Variants in SLC16A12 observed in about 807,000 individuals in gnomAD.
SLC16A12 encodes the protein monocarboxylate transporter 12.
A neutral mutation model predicts 42.4 loss-of-function variants in SLC16A12; 17 were observed. The ratio of observed to expected loss-of-function variants is 0.40; its 90% confidence interval spans 0.27 to 0.60. The LOEUF is 0.60. SLC16A12 is among the 20% of genes least tolerant of loss of function. The pLI is 0.42. For missense variants in SLC16A12, 544 were observed against 623.0 expected, an observed-to-expected ratio of 0.87 and a Z score of 1.35; for synonymous variants, 224 against 229.4, an observed-to-expected ratio of 0.98 and a Z score of 0.21.
chr10:89,505,928 G>A (rs1182958798), intron 2 of SLC16A12, among the ~76,000 whole-genome samples: 1 of 152,214 alleles, frequency 6.6e-6, no homozygotes, highest in African/African-American at 2.4e-5. Flanking sequence ...TGAGGCTTCA[G>A]TAGGCGGTAT....
intron 2 of SLC16A12, among the ~76,000 whole-genome samples, chr10:89,518,730 C>A (rs1326703950): frequency 2.0e-5 from 3 of 152,172 alleles, no homozygotes; most frequent in Non-Finnish European, 2.9e-5. Context: ...CTTCTACCTA[C>A]TCATAGGGTT....
At chr10:89,490,668 T>G (rs1842832702) in intron 2 of SLC16A12, among the ~76,000 whole-genome samples, 1 of 152,212 alleles carries the variant, frequency 6.6e-6, no homozygotes, top group Non-Finnish European at 1.5e-5. Context: ...CAACTCCATG[T>G]GTTCACCAAC....
chr10:89,444,446 G>A (rs1841965510), intron 3 of SLC16A12, among the ~76,000 whole-genome samples: 1 of 152,046 alleles, frequency 6.6e-6, no homozygotes, highest in South Asian at 2.1e-4. Context: ...ATCAATAAAG[G>A]AGTGGCTAAA....
chr10:89,517,711 C>A (rs1449948061), intron 2 of SLC16A12, among the ~76,000 whole-genome samples: 1 of 152,136 alleles, frequency 6.6e-6, no homozygotes, highest in Non-Finnish European at 1.5e-5. Flanking sequence ...TGGGCAGTAA[C>A]AACACAGCTG....
At chr10:89,470,850 T>C (rs1310171387) in intron 2 of SLC16A12, among the ~76,000 whole-genome samples, 1 of 152,168 alleles carries the variant, frequency 6.6e-6, no homozygotes, top group Non-Finnish European at 1.5e-5. Flanking sequence ...AACCTCTGCA[T>C]GGACCAATGA....
At chr10:89,493,120 G>A (rs1278974803) in intron 2 of SLC16A12, among the ~76,000 whole-genome samples, 5 of 152,174 alleles carry the variant, frequency 3.3e-5, no homozygotes, top group South Asian at 2.1e-4. Flanking sequence ...CAAGAAATAC[G>A]TGTTGCTGAA....
chr10:89,439,569 A>T (rs528199734), intron 5 of SLC16A12, among the ~76,000 whole-genome samples: 9 of 152,232 alleles, frequency 5.9e-5, no homozygotes, highest in Admixed American at 3.3e-4. Flanking sequence ...TTCACTGCCT[A>T]TGAAGACACA....
At chr10:89,494,944 G>C (rs1017133160) in intron 2 of SLC16A12, among the ~76,000 whole-genome samples, 8 of 152,210 alleles carry the variant, frequency 5.3e-5, no homozygotes, top group African/African-American at 1.7e-4. Context: ...AGATACAGCG[G>C]AAGTAGCAAG....
intron 2 of SLC16A12, among the ~76,000 whole-genome samples, chr10:89,478,454 TA>T (rs1201220413): frequency 6.6e-6 from 1 of 152,226 alleles, no homozygotes; most frequent in Non-Finnish European, 1.5e-5. Flanking sequence ...GTGTGATCCG[TA>T]AGCTTGCCTT....
upstream of SLC16A12, among the ~76,000 whole-genome samples, chr10:89,536,421 C>T (rs1843663005): frequency 6.6e-6 from 1 of 152,020 alleles, no homozygotes; most frequent in Non-Finnish European, 1.5e-5. Flanking sequence ...CTCACTTTTG[C>T]TTGTAAAACA....
chr10:89,476,150 C>G (rs979756337), intron 2 of SLC16A12, among the ~76,000 whole-genome samples: 8 of 152,092 alleles, frequency 5.3e-5, no homozygotes, highest in Non-Finnish European at 7.4e-5. Context: ...TAATTTTGTA[C>G]TCTGTTACAG....
At chr10:89,553,150 G>T (rs150311348) in intron 2 of SLC16A12, among the ~76,000 whole-genome samples, 66 of 152,296 alleles carry the variant, frequency 4.3e-4, no homozygotes, top group Middle Eastern at 3.4e-3. Context: ...TAATTTAATA[G>T]TAAAATCCGT....
At chr10:89,462,824 A>T in intron 2 of SLC16A12, 200 bp from the exon 3 acceptor site, 1 of 528,978 alleles carries the variant, frequency 1.9e-6, no homozygotes. Context: ...CTCAAATTGT[A>T]GTCAAATGCA....
At chr10:89,526,685 C>A (rs7093575) in intron 2 of SLC16A12, among the ~76,000 whole-genome samples, 63,596 of 152,152 alleles carry the variant, frequency 0.42, 15,067 homozygotes, top group African/African-American at 0.66. Flanking sequence ...TGAAATCAAG[C>A]ACAGGACACC....
chr10:89,548,952 A>G (rs1256939834), intron 2 of SLC16A12, among the ~76,000 whole-genome samples: 1 of 152,224 alleles, frequency 6.6e-6, no homozygotes, highest in Non-Finnish European at 1.5e-5. Context: ...CAAGAGAGGA[A>G]TGAGTGATAA....
intron 1 of SLC16A12, chr10:89,556,397 CTGTT>C (rs916078563): frequency 1.8e-4 from 27 of 152,360 alleles, no homozygotes; most frequent in Admixed American, 7.8e-4. Flanking sequence ...ATCTCTCTGT[CTGTT>C]TGTCTATCTA....
intron 2 of SLC16A12, among the ~76,000 whole-genome samples, chr10:89,510,173 A>C (rs1295725447): frequency 6.6e-6 from 1 of 152,260 alleles, no homozygotes; most frequent in African/African-American, 2.4e-5. Context: ...AGTAATTTAT[A>C]GAGTCAATGC....
intron 7 of SLC16A12, 69 bp downstream of exon 7, chr10:89,435,991 T>G: frequency 6.3e-7 from 1 of 1,599,944 alleles, no homozygotes. Flanking sequence ...TGACTGCATG[T>G]GGGTTTGCTG....
intron 3 of SLC16A12, among the ~76,000 whole-genome samples, chr10:89,459,812 G>A (rs759879460): frequency 1.3e-4 from 20 of 152,188 alleles, no homozygotes; most frequent in African/African-American, 4.6e-4. Context: ...GTGGTGGCAC[G>A]CACCTGTAAT....
Sources: allele counts gnomAD v4.1 joint callset (sites outside exome capture counted in the v4.1 genomes callset), GRCh38; gene constraint gnomAD v4.1.1; transcripts MANE v1.5; gene names NCBI Gene and HGNC (gene_info 2026-07-23, HGNC 2026-07-21).